VAT1L: variants seen among roughly 807,000 people sequenced by gnomAD.
The protein encoded by VAT1L is vesicle amine transport 1 like.
In VAT1L, 34 loss-of-function variants were observed where a neutral mutation model predicts 44.1. That is an observed-to-expected ratio of 0.77 (90% CI 0.59 to 1.03). VAT1L has a LOEUF of 1.03. VAT1L is among the 50% of genes least tolerant of loss of function. The pLI is 0.00. For synonymous variants in VAT1L, 253 were observed against 202.2 expected, an observed-to-expected ratio of 1.25 and a Z score of -2.13; for missense variants, 615 against 538.8, an observed-to-expected ratio of 1.14 and a Z score of -1.40.
chr16:77,954,312 G>C (rs559574823), intron 7 of VAT1L, among the ~76,000 whole-genome samples: 2 of 152,204 alleles, frequency 1.3e-5, no homozygotes, highest in African/African-American at 4.8e-5. Flanking sequence ...TGTTAAACTA[G>C]GCTCTATCCA....
intron 4 of VAT1L, among the ~76,000 whole-genome samples, chr16:77,864,297 T>C (rs1300904524): frequency 6.6e-6 from 1 of 151,838 alleles, no homozygotes; most frequent in Non-Finnish European, 1.5e-5. Context: ...GATAGAATCA[T>C]AATAAAGAAA....
Position 77,978,055 on chromosome 16 carries a change from T to G in VAT1L, c.*360T>G, listed in dbSNP as rs921325393. 5.6e-5 allele frequency: 12 copies of G among 212,996 alleles called. No homozygotes were observed. Among genetic ancestry groups the G allele is most frequent in the Non-Finnish European group, 8.6e-5 (9 of 104,280 alleles). The allele number at this position is 212,996 out of a possible 1,614,324, so 13.2% of individuals were successfully genotyped here. The stretch of plus-strand genomic sequence containing the variant: ...AAAGACAAGTTTGGATGGAAAGGTG[T>G]TATCACAGAGCCCTGTCCAGCTCCT... On this transcript the variant is annotated 3_prime_UTR_variant, in exon 9 of 9. Coordinates refer to ENST00000302536, the MANE Select transcript of VAT1L (RefSeq NM_020927.3).
chr16:77,890,930 A>C (rs2142466945), intron 7 of VAT1L, among the ~76,000 whole-genome samples: 1 of 150,630 alleles, frequency 6.6e-6, no homozygotes, highest in South Asian at 2.1e-4. Context: ...TCGAAAAAAA[A>C]AAAAAAAGAC....
intron 7 of VAT1L, among the ~76,000 whole-genome samples, chr16:77,934,232 G>A (rs1167659657): frequency 1.3e-5 from 2 of 152,046 alleles, no homozygotes; most frequent in Non-Finnish European, 2.9e-5. Context: ...AGGGGAAGAA[G>A]AGAATCATGA....
chr16:77,836,778 T>C (rs61575088), intron 3 of VAT1L, among the ~76,000 whole-genome samples: 10,735 of 152,292 alleles, frequency 0.07, 1,323 homozygotes, highest in African/African-American at 0.25. Flanking sequence ...TTTATCTCCT[T>C]GACCGTAAAT....
At chr16:77,896,384 T>G (rs566070468) in intron 7 of VAT1L, among the ~76,000 whole-genome samples, 1 of 149,518 alleles carries the variant, frequency 6.7e-6, no homozygotes, top group Admixed American at 6.7e-5. Flanking sequence ...CTCATTGACA[T>G]GTGCATGGGC....
intron 7 of VAT1L, among the ~76,000 whole-genome samples, chr16:77,905,477 T>C (rs2017428239): frequency 6.6e-6 from 1 of 152,152 alleles, no homozygotes; most frequent in Non-Finnish European, 1.5e-5. Context: ...TAGAGTAGCC[T>C]CGCCACCCCT....
At chr16:77,795,813 C>CTTTT (rs56725954) in intron 1 of VAT1L, among the ~76,000 whole-genome samples, 40 of 100,592 alleles carry the variant, frequency 4.0e-4, no homozygotes, top group African/African-American at 1.2e-3. Flanking sequence ...CCTTTTTTCT[C>CTTTT]TTTTTTTTTT....
chr16:77,952,085 C>A (rs1178301905), intron 7 of VAT1L, among the ~76,000 whole-genome samples: 1 of 152,148 alleles, frequency 6.6e-6, no homozygotes, highest in Non-Finnish European at 1.5e-5. Context: ...TTCCCAGAGA[C>A]TGGGAGATAG....
chr16:77,961,083 C>A (rs192896603), intron 7 of VAT1L, among the ~76,000 whole-genome samples: 2 of 152,184 alleles, frequency 1.3e-5, no homozygotes, highest in African/African-American at 4.8e-5. Context: ...TTTCTGAGAG[C>A]ATCTATCAGG....
At chr16:77,789,174 C>A (rs889202139) in intron 1 of VAT1L, among the ~76,000 whole-genome samples, 1 of 152,154 alleles carries the variant, frequency 6.6e-6, no homozygotes. Flanking sequence ...GCCCAGGCAC[C>A]CCGGGTCTGG....
chr16:77,964,089 C>A (rs1260901668), intron 7 of VAT1L, among the ~76,000 whole-genome samples: 1 of 151,992 alleles, frequency 6.6e-6, no homozygotes, highest in Non-Finnish European at 1.5e-5. Context: ...CTTAGAGAAT[C>A]CCACGTGGGA....
chr16:77,870,070 T>C (rs930627835), intron 4 of VAT1L, among the ~76,000 whole-genome samples: 1 of 152,114 alleles, frequency 6.6e-6, no homozygotes, highest in African/African-American at 2.4e-5. Context: ...GCGAAGTACA[T>C]ATGGGAACTA....
At position 77,871,236 on chromosome 16, in the gene VAT1L, C is replaced by T. The variant is rs867682512; in HGVS notation, c.723-5134C>T. On this transcript the variant is annotated intron_variant, in intron 4 of 8. Transcript: ENST00000302536. ...AATCCACCTCCCCTACCTCCTCCCA[C>T]CCTCCACCCCACCACTGACCTTCAA... Among the ~76,000 whole-genome samples, 9 of 152,158 alleles carry T rather than the reference C, an allele frequency of 5.9e-5. 1 individual carries two copies. In the Middle Eastern group the frequency reaches 0.014, roughly 230 times the overall value.
intron 7 of VAT1L, among the ~76,000 whole-genome samples, chr16:77,893,856 A>C (rs1172290632): frequency 2.0e-5 from 3 of 152,130 alleles, no homozygotes; most frequent in Non-Finnish European, 2.9e-5. Context: ...TAATGAATAA[A>C]CTCATTGAAG....
intron 7 of VAT1L, among the ~76,000 whole-genome samples, chr16:77,931,596 TTCA>T (rs1225313055): frequency 1.3e-5 from 2 of 152,210 alleles, no homozygotes; most frequent in Non-Finnish European, 1.5e-5. Context: ...AGAATTACTT[TTCA>T]TCATACGTTT....
chr16:77,813,084 A>G (rs1257017849), intron 1 of VAT1L, among the ~76,000 whole-genome samples: 2 of 152,062 alleles, frequency 1.3e-5, no homozygotes, highest in Non-Finnish European at 1.5e-5. Flanking sequence ...CATTCTAACT[A>G]AGAATCAGAT....
chr16:77,975,169 G>GTGCTT (rs2018322793), intron 8 of VAT1L, among the ~76,000 whole-genome samples: 1 of 139,252 alleles, frequency 7.2e-6, no homozygotes, highest in African/African-American at 2.7e-5. Context: ...GCCTGCAGAG[G>GTGCTT]TGCTTTCTCC....
chr16:77,796,940 T>C (rs572432802), intron 1 of VAT1L, among the ~76,000 whole-genome samples: 25 of 152,160 alleles, frequency 1.6e-4, no homozygotes, highest in African/African-American at 5.8e-4. Context: ...TGGTACACAC[T>C]GAGTAGAATA....
Sources: allele counts gnomAD v4.1 joint callset (sites outside exome capture counted in the v4.1 genomes callset), GRCh38; gene constraint gnomAD v4.1.1; transcripts MANE v1.5; gene names NCBI Gene and HGNC (gene_info 2026-07-23, HGNC 2026-07-21).